The following COL12A1 variants were observed in gnomAD, a reference collection of about 807,000 sequenced individuals.
COL12A1 encodes collagen alpha-1(XII) chain.
Under a neutral mutation model 349.7 loss-of-function variants are expected in COL12A1, and 114 were observed. That is an observed-to-expected ratio of 0.33 (90% CI 0.28 to 0.38). The LOEUF is 0.38. Among genes scored for constraint, COL12A1 ranks in the 10% least tolerant of loss-of-function variants. The pLI is 1.00. For synonymous variants in COL12A1, 1,369 were observed against 1,329.0 expected, an observed-to-expected ratio of 1.03 and a Z score of -0.66; for missense variants, 3,284 against 3,756.9, an observed-to-expected ratio of 0.87 and a Z score of 3.29.
At chr6:75,118,081 C>G (rs1769174396) in intron 46 of COL12A1, among the ~76,000 whole-genome samples, 1 of 151,974 alleles carries the variant, frequency 6.6e-6, no homozygotes, top group Admixed American at 6.6e-5. Context: ...ATTTTTCACT[C>G]CGAAAGCTAA....
chr6:75,103,221 T>C (rs1768385979), intron 55 of COL12A1, among the ~76,000 whole-genome samples: 1 of 152,236 alleles, frequency 6.6e-6, no homozygotes, highest in Non-Finnish European at 1.5e-5. Flanking sequence ...CCTTTCCTAA[T>C]GGGGTTATTT....
chr6:75,189,222 G>C lies in COL12A1; in HGVS notation c.818C>G (p.Ser273Cys). 6.2e-7 allele frequency: 1 copy of C among 1,612,528 alleles called. No individual in the cohort carries two copies. The highest frequency in any genetic ancestry group is 8.5e-7 in the Non-Finnish European group (1 of 1,179,218). The change falls in exon 7 of 66, where the codon TCC becomes TGC. Residue 273 changes from serine (S) to cysteine (C), a missense_variant. Transcript: ENST00000322507. ...ELRNVGVEVFSLGIKAADAKE... is the reference protein window; with the variant it reads ...ELRNVGVEVFCLGIKAADAKE... ...ATTAACTGAACTTAACCTACCCAAG[G>C]AGAAAACTTCAACTCCAACATTACG...
chr6:75,203,228 C>T (rs1465789663), intron 1 of COL12A1, among the ~76,000 whole-genome samples: 1 of 152,088 alleles, frequency 6.6e-6, no homozygotes, highest in Non-Finnish European at 1.5e-5. Context: ...CTGATGAACT[C>T]TTTAGGTAAC....
intron 31 of COL12A1, among the ~76,000 whole-genome samples, chr6:75,135,164 G>A (rs1416065954): frequency 1.3e-5 from 2 of 151,568 alleles, no homozygotes; most frequent in Admixed American, 6.6e-5. Context: ...AAAAGGGGGC[G>A]GGGGGGACTA....
Position 75,151,156 on chromosome 6 carries a change from T to G in COL12A1, c.4132A>C (p.Ser1378Arg), listed in dbSNP as rs1405840866. Residue 1378 changes from serine (S) to arginine (R), a missense_variant, in exon 21 of 66, where the codon AGT (serine) becomes CGT (arginine). Coordinates refer to ENST00000322507, the MANE Select transcript of COL12A1 (RefSeq NM_004370.6). ...TTAAACTTACCTGGACCTTTGACACTGTTACACAAATTAATGGTGAGATCA... is the reference window on the plus strand; with the variant it reads ...TTAAACTTACCTGGACCTTTGACACGGTTACACAAATTAATGGTGAGATCA... ...VDDLTINLCNSVKGPGDLEAP... is the reference protein window; with the variant it reads ...VDDLTINLCNRVKGPGDLEAP... 1 of 1,546,530 alleles carries G rather than the reference T, an allele frequency of 6.5e-7. No homozygotes were observed. Among genetic ancestry groups the G allele is most frequent in the African/African-American group, 1.4e-5 (1 of 71,184 alleles).
rs1415014382 is a variant in COL12A1 at position 75,119,162 on chromosome 6, T to G, written c.7235A>C (p.Glu2412Ala). 6.2e-7 allele frequency: 1 copy of G among 1,613,936 alleles called. No individual in the cohort carries two copies. The highest frequency in any genetic ancestry group is 1.7e-5 in the Admixed American group (1 of 60,008). Residue 2412 changes from glutamate (E) to alanine (A), a missense_variant, in exon 46 of 66, where the codon GAG becomes GCG. Coordinates refer to ENST00000322507, the MANE Select transcript of COL12A1 (RefSeq NM_004370.6). Reference sequence around the variant, plus strand: ...GCCGCTCTCCCAAGTCAAGACTTTCTCCTTGATAAACGTGAGGGCCTTGCC... The same window carrying G: ...GCCGCTCTCCCAAGTCAAGACTTTCGCCTTGATAAACGTGAGGGCCTTGCC... ...RTGKALTFIK[E>A]KVLTWESGMR...
chr6:75,139,807 ACAACCCCTC>A (rs1766803888), intron 27 of COL12A1, among the ~76,000 whole-genome samples: 1 of 152,200 alleles, frequency 6.6e-6, no homozygotes, highest in African/African-American at 2.4e-5. Context: ...ATCCCCTTTC[ACAACCCCTC>A]CATTGACCAG....
chr6:75,196,378 T>G (rs1770226267), intron 2 of COL12A1, among the ~76,000 whole-genome samples: 1 of 152,220 alleles, frequency 6.6e-6, no homozygotes, highest in Admixed American at 6.5e-5. Context: ...AGAATTTAAC[T>G]GGGGTTAAAG....
chr6:75,127,122 G>A (rs78388011), intron 38 of COL12A1, among the ~76,000 whole-genome samples: 6,201 of 151,966 alleles, frequency 0.041, 233 homozygotes, highest in African/African-American at 0.1. Context: ...CATGACTTTG[G>A]CCCTTCCTGG....
intron 33 of COL12A1, 133 bp downstream of exon 33, chr6:75,133,725 C>A: frequency 9.4e-7 from 1 of 1,063,844 alleles, no homozygotes. Flanking sequence ...TATTTACCCT[C>A]TATAAAGTCT....
At chr6:75,091,670 C>T (rs530895509) in intron 60 of COL12A1, 145 bp from the exon 61 acceptor site, 1 of 754,616 alleles carries the variant, frequency 1.3e-6, no homozygotes. Flanking sequence ...ATGTTACTCA[C>T]ATTCTGCTTT....
intron 27 of COL12A1, among the ~76,000 whole-genome samples, chr6:75,139,893 C>T (rs953638447): frequency 1.6e-4 from 24 of 152,060 alleles, no homozygotes; most frequent in Admixed American, 1.6e-3. Flanking sequence ...CTTTCATTGT[C>T]ACTTATTTCT....
intron 14 of COL12A1, among the ~76,000 whole-genome samples, chr6:75,157,409 T>C (rs1172374069): frequency 6.6e-6 from 1 of 150,962 alleles, no homozygotes; most frequent in East Asian, 1.9e-4. Context: ...GTTCAAGTGG[T>C]CAAGAGCCAT....
At chr6:75,203,631 A>G (rs888966574) in intron 1 of COL12A1, among the ~76,000 whole-genome samples, 1 of 152,148 alleles carries the variant, frequency 6.6e-6, no homozygotes, top group Non-Finnish European at 1.5e-5. Context: ...TTCTGTTCCG[A>G]TTTTTTCTAA....
At chr6:75,154,067 T>C (rs1767628501) in intron 17 of COL12A1, among the ~76,000 whole-genome samples, 1 of 151,874 alleles carries the variant, frequency 6.6e-6, no homozygotes, top group South Asian at 2.1e-4. Flanking sequence ...ATAAATTTAA[T>C]GCACAATTTT....
In COL12A1 at chr6:75,175,075, A is replaced by G; in HGVS notation, c.2673T>C (p.Ala891=). 1 of 1,614,180 alleles carries G rather than the reference A, an allele frequency of 6.2e-7. No individual in the cohort carries two copies. Among genetic ancestry groups the G allele is most frequent in the Non-Finnish European group, 8.5e-7 (1 of 1,180,024 alleles). ...LSVTALYASG[A]GDALFGEGTT... ...TTCCTTCACCAAAGAGGGCGTCTCC[A>G]GCCCCAGACGCATACAAGGCTGTCA... Residue 891 remains alanine (A), a synonymous_variant, in exon 13 of 66, where the codon GCT becomes GCC. Transcript: ENST00000322507.
intron 8 of COL12A1, among the ~76,000 whole-genome samples, chr6:75,188,127 C>A (rs565716358): frequency 2.0e-5 from 3 of 151,894 alleles, no homozygotes; most frequent in Admixed American, 2.0e-4. Context: ...TTGTCCCCCA[C>A]CAAAAAAATT....
chr6:75,148,538 G>A, intron 21 of COL12A1, 41 bp from the exon 22 acceptor site: 1 of 1,540,184 alleles, frequency 6.5e-7, no homozygotes, highest in East Asian at 2.3e-5. Flanking sequence ...TCTCATTATT[G>A]TAGAAAGGTG....
intron 13 of COL12A1, among the ~76,000 whole-genome samples, chr6:75,173,605 C>T (rs761077414): frequency 9.9e-5 from 15 of 152,216 alleles, no homozygotes; most frequent in Non-Finnish European, 1.9e-4. Context: ...GAATTCCTGA[C>T]CTCAGGTGAT....
Sources: gnomAD v4.1 joint callset for allele counts (sites outside exome capture counted in the v4.1 genomes callset) on GRCh38, gnomAD v4.1.1 for gene constraint, MANE v1.5 for transcripts, NCBI Gene and HGNC (gene_info 2026-07-23, HGNC 2026-07-21) for gene names.